The following OSR2 variants were observed in gnomAD, a reference collection of about 807,000 sequenced individuals.
The protein encoded by OSR2 is protein odd-skipped-related 2.
A neutral mutation model predicts 22.3 loss-of-function variants in OSR2; 8 were observed. That is an observed-to-expected ratio of 0.36 (90% CI 0.21 to 0.65). The LOEUF is 0.65. OSR2 is among the 30% of genes least tolerant of loss of function. The probability of loss-of-function intolerance (pLI) is 0.66; values close to 1 mark genes in which losing one functional copy is unlikely to be tolerated. For synonymous variants in OSR2, 179 were observed against 173.8 expected (o/e 1.03, Z -0.23); for missense variants, 311 against 413.4 (o/e 0.75, Z 2.15).
Position 98,948,593 on chromosome 8 carries a change from C to G in OSR2, c.-114-246C>G. ...CTCCGTATCTGCCTAGAGTCTGAATCCGACTTTCTTTCCTTTGGGCACGCG... is the reference window on the plus strand; with the variant it reads ...CTCCGTATCTGCCTAGAGTCTGAATGCGACTTTCTTTCCTTTGGGCACGCG... On this transcript the variant is annotated intron_variant, in intron 1 of 3. Coordinates refer to ENST00000297565, the MANE Select transcript of OSR2 (RefSeq NM_001142462.3). This position sits in a 1 kb window ranked among gnomAD's most constrained non-coding sequence, Gnocchi z 6.0. 9.2e-7 allele frequency: 1 copy of G among 1,085,018 alleles called. No individual in the cohort carries two copies. Among genetic ancestry groups the G allele is most frequent in the South Asian group, 1.7e-5 (1 of 58,262 alleles). 67.2% of individuals were successfully genotyped at this position (1,085,018 alleles called of 1,614,324 possible). A position where few individuals can be genotyped will look rare whatever the true frequency, so the allele number is the denominator to read the frequency against.
In OSR2 at chr8:98,949,490, C is replaced by A. The variant is rs1420666642; in HGVS notation, c.538C>A (p.His180Asn). 6.2e-7 allele frequency: 1 copy of A among 1,613,964 alleles called. No individual in the cohort carries two copies. The highest frequency in any genetic ancestry group is 1.3e-5 in the African/African-American group (1 of 74,946). Residue 180 changes from histidine to asparagine, a missense_variant, in exon 2 of 4, where the codon CAC becomes AAC. Transcript: ENST00000297565. The surrounding 1 kb of genome is among the most constrained non-coding windows in gnomAD (Gnocchi z 5.9). Reference sequence around the variant, plus strand: ...GTTTATCTGCAAGTTTTGCGGCAGACACTTTACCAAATCCTACAATTTGCT... The same window carrying A: ...GTTTATCTGCAAGTTTTGCGGCAGAAACTTTACCAAATCCTACAATTTGCT... The part of the protein sequence containing the change: ...KEFICKFCGR[H>N]FTKSYNLLIH...
intron 1 of OSR2, among the ~76,000 whole-genome samples, chr8:98,945,808 A>G (rs1768225799): frequency 6.6e-6 from 1 of 152,154 alleles, no homozygotes; most frequent in African/African-American, 2.4e-5. Context: ...CTTAGTCTAT[A>G]GCTCTCTAAT....
chr8:98,947,899 C>A (rs904721838), intron 1 of OSR2, among the ~76,000 whole-genome samples: 2 of 152,120 alleles, frequency 1.3e-5, no homozygotes, highest in Non-Finnish European at 2.9e-5. Context: ...TGGGGCATCC[C>A]GGGTGGAGGG....
chr8:98,951,787 G>C lies in OSR2; in HGVS notation c.*86G>C. 3.7e-6 allele frequency: 5 copies of C among 1,350,014 alleles called. No homozygotes were observed. Among genetic ancestry groups the C allele is most frequent in the Non-Finnish European group, 5.0e-6 (5 of 999,764 alleles). 83.6% of individuals were successfully genotyped at this position (1,350,014 alleles called of 1,614,324 possible). A position where few individuals can be genotyped will look rare whatever the true frequency, so the allele number is the denominator to read the frequency against. The stretch of plus-strand genomic sequence containing the variant: ...TCCTACCCAGGGGGTCGCATCCCTA[G>C]CCCTTCACTGACCCCAGCTCTTCCC... On this transcript the variant is annotated 3_prime_UTR_variant, in exon 4 of 4. Coordinates refer to ENST00000297565, the MANE Select transcript of OSR2 (RefSeq NM_001142462.3).
In OSR2 at chr8:98,948,082, G is replaced by A. The variant is rs1028892088; in HGVS notation, c.-114-757G>A. On this transcript the variant is annotated intron_variant, in intron 1 of 3. Transcript: ENST00000297565. The surrounding 1 kb of genome is among the most constrained non-coding windows in gnomAD (Gnocchi z 6.0). Reference sequence around the variant, plus strand: ...GGATCTTAGTCGGGGGTTGGGAGGAGAGCCCGTGGATAGGAGGAGGGGGCG... The same window carrying A: ...GGATCTTAGTCGGGGGTTGGGAGGAAAGCCCGTGGATAGGAGGAGGGGGCG... The A allele has an allele frequency of 2.3e-6, 3 of 1,330,070 alleles. No individual in the cohort carries two copies. Among genetic ancestry groups the A allele is most frequent in the Non-Finnish European group, 1.9e-6 (2 of 1,039,440 alleles). The allele number at this position is 1,330,070 out of a possible 1,614,324, so 82.4% of individuals were successfully genotyped here.
At chr8:98,951,047 T>G in intron 3 of OSR2, 1 of 552,630 alleles carries the variant, frequency 1.8e-6, no homozygotes, top group Non-Finnish European at 3.2e-6. Flanking sequence ...TAGGAGGAAA[T>G]AAAGGTAATT....
At position 98,949,471 on chromosome 8, in the gene OSR2, C is replaced by T; in HGVS notation, c.519C>T (p.Ile173=). ...RLPSKTKKEF[I]CKFCGRHFTK... ...CCTCCAAAACGAAAAAAGAGTTTAT[C>T]TGCAAGTTTTGCGGCAGACACTTTA... Residue 173 remains isoleucine (I), a synonymous_variant, in exon 2 of 4, where the codon ATC becomes ATT. Coordinates refer to ENST00000297565, the MANE Select transcript of OSR2 (RefSeq NM_001142462.3). This position sits in a 1 kb window ranked among gnomAD's most constrained non-coding sequence, Gnocchi z 5.9. The T allele has an allele frequency of 1.2e-6, 2 of 1,614,080 alleles. No individual in the cohort carries two copies. The highest frequency in any genetic ancestry group is 1.7e-6 in the Non-Finnish European group (2 of 1,179,916).
chr8:98,950,622 A>C, intron 2 of OSR2, 34 bp from the exon 3 acceptor site: 1 of 1,429,182 alleles, frequency 7.0e-7, no homozygotes, highest in Non-Finnish European at 9.8e-7. Flanking sequence ...CATGGGGCAA[A>C]GTTATTTCAA....
At position 98,948,430 on chromosome 8, in the gene OSR2, C is replaced by G; in HGVS notation, c.-114-409C>G. The G allele has an allele frequency of 8.6e-7, 1 of 1,165,160 alleles. No individual in the cohort carries two copies. The highest frequency in any genetic ancestry group is 1.1e-6 in the Non-Finnish European group (1 of 936,774). 72.2% of individuals were successfully genotyped at this position (1,165,160 alleles called of 1,614,324 possible). On this transcript the variant is annotated intron_variant, in intron 1 of 3. Coordinates refer to ENST00000297565, the MANE Select transcript of OSR2 (RefSeq NM_001142462.3). This position sits in a 1 kb window ranked among gnomAD's most constrained non-coding sequence, Gnocchi z 6.0. ...GCGCAGCGGCGACAGAGGTTCGCCC[C>G]GGCCTGCTAGCATTGGCATTGCGGT...
In OSR2 at chr8:98,949,382, G is replaced by T; in HGVS notation, c.430G>T (p.Gly144Cys). Residue 144 changes from glycine to cysteine, a missense_variant, in exon 2 of 4, where the codon GGT (glycine) becomes TGT (cysteine). Coordinates refer to ENST00000297565, the MANE Select transcript of OSR2 (RefSeq NM_001142462.3). This position sits in a 1 kb window ranked among gnomAD's most constrained non-coding sequence, Gnocchi z 5.9. ...CCTGAGCAAGCTGAGCCCAGGACTG[G>T]GTAGCCCCATCTCGGGCCTCAGTAA... ...GDLSKLSPGLGSPISGLSKLT... is the reference protein window; with the variant it reads ...GDLSKLSPGLCSPISGLSKLT... The T allele has an allele frequency of 6.2e-7, 1 of 1,613,532 alleles. No individual in the cohort carries two copies. The highest frequency in any genetic ancestry group is 8.5e-7 in the Non-Finnish European group (1 of 1,179,582).
At chr8:98,951,222 C>G (rs1840772062) in intron 3 of OSR2, among the ~76,000 whole-genome samples, 1 of 152,178 alleles carries the variant, frequency 6.6e-6, no homozygotes, top group Non-Finnish European at 1.5e-5. Context: ...TTTCCTTCCC[C>G]CTTTTCCTGC....
At chr8:98,951,242 G>A (rs984794878) in intron 3 of OSR2, among the ~76,000 whole-genome samples, 1 of 152,170 alleles carries the variant, frequency 6.6e-6, no homozygotes, top group African/African-American at 2.4e-5. Context: ...CCTATGACAT[G>A]GTGATGAAAT....
chr8:98,949,355 G>A lies in OSR2; in HGVS notation c.403G>A (p.Asp135Asn), dbSNP rs1840716709. 2 of 1,612,878 alleles carry A rather than the reference G, an allele frequency of 1.2e-6. No homozygotes were observed. Among genetic ancestry groups the A allele is most frequent in the Admixed American group, 1.7e-5 (1 of 59,894 alleles). Reference sequence around the variant, plus strand: ...GCAAGAGGATCCGCCTAAGATGGGAGACCTGAGCAAGCTGAGCCCAGGACT... The same window carrying A: ...GCAAGAGGATCCGCCTAAGATGGGAAACCTGAGCAAGCTGAGCCCAGGACT... ...ATQEDPPKMG[D>N]LSKLSPGLGS... Residue 135 changes from aspartate to asparagine, a missense_variant, in exon 2 of 4, where the codon GAC becomes AAC. By Grantham distance (23) the Asp-to-Asn change is conservative. Around this residue, in one of 5 missense-constraint regions of OSR2, gnomAD observed 53 missense variants for 59.5 expected, o/e 0.89. Coordinates refer to ENST00000297565, the MANE Select transcript of OSR2 (RefSeq NM_001142462.3). This position sits in a 1 kb window ranked among gnomAD's most constrained non-coding sequence, Gnocchi z 5.9.
rs571292787 is a variant in OSR2 at position 98,947,711 on chromosome 8, G to A, written c.-114-1128G>A. 2.6e-5 allele frequency among the ~76,000 whole-genome samples: 4 copies of A among 152,178 alleles called. No individual in the cohort carries two copies. The South Asian group carries it at 8.3e-4, about 32-fold the overall frequency. ...CGCCCTGCTTAGGCCCAGGCCGGGC[G>A]TCCTGGTGGTGGGACCGCAGCCGCA... is the stretch of plus-strand genomic sequence containing the variant. On this transcript the variant is annotated intron_variant, in intron 1 of 3. Coordinates refer to ENST00000297565, the MANE Select transcript of OSR2 (RefSeq NM_001142462.3).
chr8:98,945,900 G>C (rs1429646177), intron 1 of OSR2: 1 of 152,136 alleles, frequency 6.6e-6, no homozygotes, highest in Non-Finnish European at 1.5e-5. Context: ...TCATATACCA[G>C]TGCACAGGTT....
Position 98,951,541 on chromosome 8 carries a change from C to T in OSR2, c.779C>T (p.Thr260Ile). The change falls in exon 4 of 4, where the codon ACA becomes ATA. Residue 260 changes from threonine (T) to isoleucine (I), a missense_variant. This residue lies in a region of OSR2 where 70 missense variants were observed against 84.5 expected (regional missense o/e 0.83). Transcript: ENST00000297565. ...HMQESPHKCPTCGRTFNQRSN... is the reference protein window; with the variant it reads ...HMQESPHKCPICGRTFNQRSN... Reference sequence around the variant, plus strand: ...CAGGAATCTCCACACAAATGTCCCACATGTGGAAGAACCTTTAATCAGAGA... The same window carrying T: ...CAGGAATCTCCACACAAATGTCCCATATGTGGAAGAACCTTTAATCAGAGA... 1.9e-6 allele frequency: 3 copies of T among 1,600,082 alleles called. No homozygotes were observed. The highest frequency in any genetic ancestry group is 8.5e-7 in the Non-Finnish European group (1 of 1,173,320).
intron 2 of OSR2, among the ~76,000 whole-genome samples, chr8:98,950,266 A>G (rs1162032127): frequency 2.6e-5 from 4 of 152,074 alleles, no homozygotes; most frequent in Non-Finnish European, 5.9e-5. Context: ...CAGAGATGAG[A>G]CTTCTGTACC....
chr8:98,948,306 CG>C lies in OSR2; in HGVS notation c.-114-530del. 1 of 1,524,082 alleles carries C rather than the reference CG, an allele frequency of 6.6e-7. No homozygotes were observed. The highest frequency in any genetic ancestry group is 8.8e-7 in the Non-Finnish European group (1 of 1,139,960). 94.4% of individuals were successfully genotyped at this position (1,524,082 alleles called of 1,614,324 possible). A position where few individuals can be genotyped will look rare whatever the true frequency, so the allele number is the denominator to read the frequency against. On this transcript the variant is annotated intron_variant, in intron 1 of 3. Transcript: ENST00000297565. The surrounding 1 kb of genome is among the most constrained non-coding windows in gnomAD (Gnocchi z 6.0). The stretch of plus-strand genomic sequence containing the variant: ...CGCTCTTGCACGCCGGCTTGCCATC[CG>C]GGTAAGCGCGGGAAAGGCGGCCACA...
rs1840665297 is a variant in OSR2, at chr8:98,948,167, T to C, written c.-114-672T>C. ...TTTCTTTCCTGCGGCCCGTCACCGC[T>C]GATAGATGGGGCTGAGGGCAGAGGA... is the stretch of plus-strand genomic sequence containing the variant. On this transcript the variant is annotated intron_variant, in intron 1 of 3. Transcript: ENST00000297565. The surrounding 1 kb of genome is among the most constrained non-coding windows in gnomAD (Gnocchi z 6.0). The C allele has an allele frequency of 7.2e-7, 1 of 1,385,590 alleles. No homozygotes were observed. The highest frequency in any genetic ancestry group is 1.5e-5 in the African/African-American group (1 of 66,598). The allele number at this position is 1,385,590 out of a possible 1,614,324, so 85.8% of individuals were successfully genotyped here. A position where few individuals can be genotyped will look rare whatever the true frequency, so the allele number is the denominator to read the frequency against.
Sources: gnomAD v4.1 joint callset for allele counts (sites outside exome capture counted in the v4.1 genomes callset) on GRCh38, gnomAD v4.1.1 for gene constraint, gnomAD v4.1.1 regional missense constraint, Gnocchi (gnomAD v3.1) non-coding constraint, MANE v1.5 for transcripts, NCBI Gene and HGNC (gene_info 2026-07-23, HGNC 2026-07-21) for gene names.